The following BTBD16 variants were observed in gnomAD, a reference collection of about 807,000 sequenced individuals.
The protein encoded by BTBD16 is BTB/POZ domain-containing protein 16.
Under a neutral mutation model 67.4 loss-of-function variants are expected in BTBD16, and 66 were observed. The ratio of observed to expected loss-of-function variants is 0.98; its 90% CI spans 0.80 to 1.20. The LOEUF (loss-of-function observed/expected upper bound fraction) is 1.20. Ranked by LOEUF, BTBD16 falls within the 50% of genes most tolerant of loss-of-function variation. BTBD16 has a pLI of 0.00. For missense variants in BTBD16, 634 were observed against 616.0 expected (o/e 1.03, Z -0.31); for synonymous variants, 242 against 236.4 (o/e 1.02, Z -0.22).
intron 3 of BTBD16, among the ~76,000 whole-genome samples, chr10:122,282,066 A>G (rs2096354279): frequency 6.6e-6 from 1 of 152,194 alleles, no homozygotes; most frequent in Non-Finnish European, 1.5e-5. Context: ...CGAATGGTAT[A>G]TCTTGACAAG....
At chr10:122,317,979 G>C (rs2096429004) in intron 10 of BTBD16, among the ~76,000 whole-genome samples, 1 of 152,146 alleles carries the variant, frequency 6.6e-6, no homozygotes, top group Non-Finnish European at 1.5e-5. Flanking sequence ...TCATTATTAA[G>C]TATTATGTAC....
At chr10:122,299,813 C>G (rs1327187683) in intron 9 of BTBD16, among the ~76,000 whole-genome samples, 2 of 152,144 alleles carry the variant, frequency 1.3e-5, no homozygotes, top group African/African-American at 4.8e-5. Context: ...TATTTTGGAC[C>G]AAGGTGACCT....
intron 7 of BTBD16, chr10:122,291,493 T>C (rs2096373998): frequency 4.0e-6 from 1 of 250,390 alleles, no homozygotes; most frequent in African/African-American, 2.2e-5. Context: ...AGTGACTTCC[T>C]AGTAGCCCCC....
chr10:122,294,193 T>C lies in BTBD16; in HGVS notation c.590+2999T>C, dbSNP rs932186399. ...GTCTTGCCTGCCTTTGAGAGGCTGATGGCGCAGTTGGCAGGGTGTGGCATC... is the reference window on the plus strand; with the variant it reads ...GTCTTGCCTGCCTTTGAGAGGCTGACGGCGCAGTTGGCAGGGTGTGGCATC... On this transcript the variant is annotated intron_variant, in intron 7 of 15. Transcript: ENST00000260723. 7.1e-6 allele frequency: 7 copies of C among 985,302 alleles called. No individual in the cohort carries two copies. The African/African-American group carries it at 1.0e-4, about 15-fold the overall frequency. The allele number at this position is 985,302 out of a possible 1,614,324, so 61.0% of individuals were successfully genotyped here.
At chr10:122,312,200 A>C (rs1412109282) in intron 10 of BTBD16, among the ~76,000 whole-genome samples, 1 of 152,166 alleles carries the variant, frequency 6.6e-6, no homozygotes, top group Non-Finnish European at 1.5e-5. Context: ...AGTTTTGCAA[A>C]GTGGCTGTGC....
intron 3 of BTBD16, among the ~76,000 whole-genome samples, chr10:122,277,871 G>A (rs1241901089): frequency 6.6e-6 from 1 of 152,162 alleles, no homozygotes; most frequent in Non-Finnish European, 1.5e-5. Flanking sequence ...TATTGCAGAA[G>A]GTACACCTCA....
At position 122,298,872 on chromosome 10, in the gene BTBD16, T is replaced by C. The variant is rs560636412; in HGVS notation, c.661-132T>C. 2.7e-4 allele frequency: 309 copies of C among 1,136,724 alleles called. No individual in the cohort carries two copies. The Middle Eastern group carries it at 4.9e-3, about 18-fold the overall frequency. 70.4% of individuals were successfully genotyped at this position (1,136,724 alleles called of 1,614,324 possible). A position where few individuals can be genotyped will look rare whatever the true frequency, so the allele number is the denominator to read the frequency against. ...GAAAAGGTATCTGCTGTAATTCATG[T>C]ATTTTGTAGAAAAGGTTTGAGCGCC... is the stretch of plus-strand genomic sequence containing the variant. On this transcript the variant is annotated intron_variant, in intron 8 of 15. Transcript: ENST00000260723.
chr10:122,297,834 C>A lies in BTBD16; in HGVS notation c.657C>A (p.Cys219Ter). ...STIKKFYEAG[C>*]KYKEEQLTTG... ...TCAAGAAATTCTACGAGGCCGGCTG[C>A]AAGGTGAGAACAACCCAGACGGGGC... Residue 219 changes from cysteine (C) to a stop codon, truncating the protein, a stop_gained, in exon 8 of 16, where the codon TGC becomes TGA. Coordinates refer to ENST00000260723, the MANE Select transcript of BTBD16 (RefSeq NM_144587.5). LOFTEE classifies it high-confidence loss of function. 13 of 1,614,082 alleles carry A rather than the reference C, an allele frequency of 8.1e-6. No homozygotes were observed. Among genetic ancestry groups the A allele is most frequent in the Non-Finnish European group, 1.1e-5 (13 of 1,179,976 alleles).
intron 15 of BTBD16, 32 bp downstream of exon 15, chr10:122,336,714 C>T (rs778864347): frequency 6.5e-7 from 1 of 1,531,948 alleles, no homozygotes; most frequent in East Asian, 2.4e-5. Flanking sequence ...TCCTTTATTT[C>T]CTTTTTGCTC....
intron 3 of BTBD16, among the ~76,000 whole-genome samples, chr10:122,283,000 G>GC (rs1371097265): frequency 6.6e-6 from 1 of 152,244 alleles, no homozygotes; most frequent in African/African-American, 2.4e-5. Flanking sequence ...GGTGCAGGCT[G>GC]CTGAGAAGGG....
intron 9 of BTBD16, among the ~76,000 whole-genome samples, chr10:122,302,417 G>A (rs2096395745): frequency 6.6e-6 from 1 of 152,104 alleles, no homozygotes; most frequent in Non-Finnish European, 1.5e-5. Flanking sequence ...CATGGACTTA[G>A]GAGGATGGAG....
Position 122,291,483 on chromosome 10 carries a change from A to G in BTBD16, c.590+289A>G, listed in dbSNP as rs78196171. 5.3e-4 allele frequency: 145 copies of G among 275,878 alleles called. 1 individual carries two copies. The East Asian group carries it at 8.8e-3, about 17-fold the overall frequency. 17.1% of individuals were successfully genotyped at this position (275,878 alleles called of 1,614,324 possible). On this transcript the variant is annotated intron_variant, in intron 7 of 15. Transcript: ENST00000260723. Reference sequence around the variant, plus strand: ...TGGGAGAGACTTCATGTGTATACACAGTGACTTCCTAGTAGCCCCCAAACC... The same window carrying G: ...TGGGAGAGACTTCATGTGTATACACGGTGACTTCCTAGTAGCCCCCAAACC...
chr10:122,328,134 G>A (rs2096448550), intron 10 of BTBD16, among the ~76,000 whole-genome samples: 1 of 152,202 alleles, frequency 6.6e-6, no homozygotes, highest in Admixed American at 6.5e-5. Flanking sequence ...AAAATAGGCA[G>A]AAGAAGGAGG....
chr10:122,281,910 C>T (rs533920158), intron 3 of BTBD16, among the ~76,000 whole-genome samples: 18 of 152,314 alleles, frequency 1.2e-4, no homozygotes, highest in Admixed American at 7.8e-4. Context: ...CCTAACAGCA[C>T]GTTCCCAGCA....
intron 10 of BTBD16, among the ~76,000 whole-genome samples, chr10:122,313,607 G>A (rs1378581227): frequency 6.6e-6 from 1 of 152,190 alleles, no homozygotes; most frequent in East Asian, 1.9e-4. Flanking sequence ...CCAGTGCCAT[G>A]TGGATATTCT....
At chr10:122,332,643 A>C in intron 13 of BTBD16, 130 bp downstream of exon 13, 1 of 1,054,120 alleles carries the variant, frequency 9.5e-7, no homozygotes, top group Non-Finnish European at 1.4e-6. Context: ...AGAGAACCAC[A>C]GGTGTCTCTC....
At chr10:122,319,391 T>C (rs997958119) in intron 10 of BTBD16, among the ~76,000 whole-genome samples, 1 of 152,168 alleles carries the variant, frequency 6.6e-6, no homozygotes, top group African/African-American at 2.4e-5. Flanking sequence ...TAATTTTGAG[T>C]TAAGTTTTAA....
chr10:122,293,818 T>G (rs1459316392), intron 7 of BTBD16, among the ~76,000 whole-genome samples: 1 of 152,176 alleles, frequency 6.6e-6, no homozygotes, highest in East Asian at 1.9e-4. Context: ...GCAGGGTAGC[T>G]TCCATCTTGA....
intron 15 of BTBD16, among the ~76,000 whole-genome samples, chr10:122,337,070 C>G (rs1055185063): frequency 2.0e-5 from 3 of 152,224 alleles, no homozygotes; most frequent in African/African-American, 4.8e-5. Context: ...CTGCCTCACT[C>G]AGGCCCACTG....
Sources: allele counts gnomAD v4.1 joint callset (sites outside exome capture counted in the v4.1 genomes callset), GRCh38; gene constraint gnomAD v4.1.1; transcripts MANE v1.5; gene names NCBI Gene and HGNC (gene_info 2026-07-23, HGNC 2026-07-21).